The following HEMK2 variants were observed in gnomAD, a reference collection of about 807,000 sequenced individuals.
HEMK2 encodes HemK methyltransferase 2, ETF1 glutamine and histone H4 lysine.
the HEMK2 span, among the ~76,000 whole-genome samples, chr21:28,784,154 G>A: frequency 9.9e-5 from 15 of 152,226 alleles, no homozygotes; most frequent in East Asian, 9.6e-4. Context: ...CACACAGCGC[G>A]GGACTGGCAG....
At chr21:28,819,493 G>A in the HEMK2 span, among the ~76,000 whole-genome samples, 1 of 151,064 alleles carries the variant, frequency 6.6e-6, no homozygotes, top group African/African-American at 2.4e-5. Context: ...TCTAGTTAGT[G>A]GAGGATTTAC....
At chr21:28,696,094 C>A in the HEMK2 span, among the ~76,000 whole-genome samples, 8 of 151,882 alleles carry the variant, frequency 5.3e-5, no homozygotes, top group African/African-American at 1.9e-4. Context: ...AGAATGAGAG[C>A]CAAGTGAAAG....
chr21:28,589,253 G>A, the HEMK2 span, among the ~76,000 whole-genome samples: 3 of 152,048 alleles, frequency 2.0e-5, no homozygotes, highest in Non-Finnish European at 4.4e-5. Flanking sequence ...ATGACAATAT[G>A]TATTTATCAA....
chr21:28,772,461 T>A, the HEMK2 span, among the ~76,000 whole-genome samples: 12,692 of 152,250 alleles, frequency 0.083, 585 homozygotes, highest in Middle Eastern at 0.14. Flanking sequence ...AATGGTCACA[T>A]GCATTTCTCT....
chr21:28,668,671 A>G, the HEMK2 span, among the ~76,000 whole-genome samples: 1 of 152,214 alleles, frequency 6.6e-6, no homozygotes, highest in South Asian at 2.1e-4. Context: ...GCTGAACAAT[A>G]ATACAATCAA....
At chr21:28,650,214 G>T in the HEMK2 span, among the ~76,000 whole-genome samples, 2 of 152,172 alleles carry the variant, frequency 1.3e-5, no homozygotes, top group African/African-American at 2.4e-5. Context: ...GGCCAACATA[G>T]TGAAACCCCG....
the HEMK2 span, among the ~76,000 whole-genome samples, chr21:28,686,604 T>C: frequency 6.6e-6 from 1 of 152,232 alleles, no homozygotes; most frequent in Non-Finnish European, 1.5e-5. Flanking sequence ...GTAGCAACTA[T>C]TCATTAGCAA....
At chr21:28,575,949 C>T in the HEMK2 span, among the ~76,000 whole-genome samples, 1 of 152,142 alleles carries the variant, frequency 6.6e-6, no homozygotes, top group Non-Finnish European at 1.5e-5. Flanking sequence ...TTGAGTGGTA[C>T]CCTTTGTATG....
chr21:28,673,133 A>G, the HEMK2 span, among the ~76,000 whole-genome samples: 2 of 149,864 alleles, frequency 1.3e-5, no homozygotes, highest in Non-Finnish European at 3.0e-5. Context: ...GAAGGAGGGA[A>G]GGAAAGAAAA....
chr21:28,581,867 T>C, the HEMK2 span, among the ~76,000 whole-genome samples: 3 of 152,202 alleles, frequency 2.0e-5, no homozygotes, highest in Non-Finnish European at 2.9e-5. Flanking sequence ...GAATGCAGTG[T>C]GAAGCTTGCA....
chr21:28,714,680 C>A, the HEMK2 span, among the ~76,000 whole-genome samples: 2 of 152,162 alleles, frequency 1.3e-5, no homozygotes, highest in Non-Finnish European at 2.9e-5. Flanking sequence ...ATTTGGGGTA[C>A]ATGTGCAGGT....
At chr21:28,814,503 C>T in the HEMK2 span, among the ~76,000 whole-genome samples, 2 of 150,724 alleles carry the variant, frequency 1.3e-5, no homozygotes, top group Non-Finnish European at 1.5e-5. Context: ...GGCTAATATC[C>T]AGAATCTACA....
At chr21:28,601,640 CTCTCTT>C in the HEMK2 span, among the ~76,000 whole-genome samples, 7 of 141,202 alleles carry the variant, frequency 5.0e-5, no homozygotes, top group African/African-American at 1.9e-4. Context: ...CTCTCTCTCT[CTCTCTT>C]TCTGTAATTT....
the HEMK2 span, among the ~76,000 whole-genome samples, chr21:28,595,453 C>T: frequency 6.6e-6 from 1 of 152,178 alleles, no homozygotes; most frequent in South Asian, 2.1e-4. Flanking sequence ...CTGTGCCTGG[C>T]TTATTTAGCT....
chr21:28,748,326 AAATT>A, the HEMK2 span, among the ~76,000 whole-genome samples: 1 of 152,252 alleles, frequency 6.6e-6, no homozygotes, highest in Non-Finnish European at 1.5e-5. Flanking sequence ...ATAAGAATAT[AAATT>A]AATAATGATA....
the HEMK2 span, among the ~76,000 whole-genome samples, chr21:28,588,051 C>G: frequency 6.6e-6 from 1 of 151,734 alleles, no homozygotes; most frequent in African/African-American, 2.4e-5. Context: ...CCCCAGTGAG[C>G]GTCTGAAACT....
At chr21:28,773,728 C>A in the HEMK2 span, among the ~76,000 whole-genome samples, 3 of 152,046 alleles carry the variant, frequency 2.0e-5, no homozygotes, top group Admixed American at 1.3e-4. Flanking sequence ...TGGGAAAATC[C>A]CAGCTGCAAT....
At chr21:28,880,949 A>G in the HEMK2 span, among the ~76,000 whole-genome samples, 61,053 of 139,560 alleles carry the variant, frequency 0.44, 15,102 homozygotes, top group Non-Finnish European at 0.58. Context: ...AAAAAAAAAA[A>G]AAACCGGAAA....
the HEMK2 span, among the ~76,000 whole-genome samples, chr21:28,683,069 TA>T: frequency 4.4e-4 from 67 of 150,890 alleles, no homozygotes; most frequent in African/African-American, 1.5e-3. Flanking sequence ...AAAATTAAAT[TA>T]AAAAATAAAA....
Sources: gnomAD v4.1 joint callset for allele counts (sites outside exome capture counted in the v4.1 genomes callset) on GRCh38, gnomAD v4.1.1 for gene constraint, MANE v1.5 for transcripts, NCBI Gene and HGNC (gene_info 2026-07-23, HGNC 2026-07-21) for gene names.